The following SYCP2L variants were observed in gnomAD, a reference collection of about 807,000 sequenced individuals.
SYCP2L encodes the protein synaptonemal complex protein 2-like.
SYCP2L carries 98 observed loss-of-function variants against 125.8 expected under a neutral mutation model. That is an observed-to-expected ratio of 0.78 (90% CI 0.66 to 0.92). The LOEUF (loss-of-function observed/expected upper bound fraction) is 0.92. Ranked by LOEUF, SYCP2L falls within the 40% of genes least tolerant of loss-of-function variation. The pLI, the probability that SYCP2L is intolerant of heterozygous loss-of-function variation, is 0.00. For synonymous variants in SYCP2L, 317 were observed against 325.4 expected (o/e 0.97, Z 0.28); for missense variants, 842 against 936.4 (o/e 0.90, Z 1.32).
Position 10,942,719 on chromosome 6 carries a change from C to T in SYCP2L, c.1927C>T (p.His643Tyr). 1 of 1,610,708 alleles carries T rather than the reference C, an allele frequency of 6.2e-7. No homozygotes were observed. Among genetic ancestry groups the T allele is most frequent in the Non-Finnish European group, 8.5e-7 (1 of 1,178,820 alleles). ...ESLTESTSLK[H>Y]KLRNLEDKDI... is the part of the protein sequence containing the mutation. ...ACTAACAGAAAGTACTAGCTTGAAA[C>T]ATAAGCTGAGAAACTTGGAAGACAA... The change falls in exon 23 of 30, where the codon CAT (histidine) becomes TAT (tyrosine). Residue 643 changes from histidine to tyrosine, a missense_variant. Coordinates refer to ENST00000283141, the MANE Select transcript of SYCP2L (RefSeq NM_001040274.3).
intron 18 of SYCP2L, among the ~76,000 whole-genome samples, chr6:10,928,850 AT>A (rs1309327725): frequency 1.1e-4 from 16 of 149,802 alleles, no homozygotes; most frequent in Non-Finnish European, 3.0e-5. Context: ...CCATCTGTCA[AT>A]TTTTTGACCA....
intron 15 of SYCP2L, among the ~76,000 whole-genome samples, chr6:10,925,555 G>C (rs1430368053): frequency 2.6e-5 from 4 of 152,192 alleles, no homozygotes; most frequent in Non-Finnish European, 4.4e-5. Flanking sequence ...AAAAAATACT[G>C]TGGTAATGGC....
chr6:10,910,469 T>A lies in SYCP2L; in HGVS notation c.872+269T>A, dbSNP rs112974350. On this transcript the variant is annotated intron_variant, in intron 11 of 29. Coordinates refer to ENST00000283141, the MANE Select transcript of SYCP2L (RefSeq NM_001040274.3). ...TAAAATAATACATTCTTTAAAGAGT[T>A]CATAGACTTTATGAAGAACAATTTC... 5.9e-3 allele frequency among the ~76,000 whole-genome samples: 896 copies of A among 152,332 alleles called. 9 individuals are homozygous for A. Among genetic ancestry groups the A allele is most frequent in the African/African-American group, 0.02 (836 of 41,566 alleles).
chr6:10,896,641 G>A (rs965470352), intron 4 of SYCP2L, among the ~76,000 whole-genome samples: 6 of 152,198 alleles, frequency 3.9e-5, no homozygotes, highest in Admixed American at 6.5e-5. Context: ...TCTAGTATAA[G>A]TATTTGTCTG....
At chr6:10,956,029 C>T (rs1447292676) in intron 24 of SYCP2L, 107 bp from the exon 25 acceptor site, 4 of 859,196 alleles carry the variant, frequency 4.7e-6, no homozygotes, top group Non-Finnish European at 7.3e-6. Flanking sequence ...TTCCATGGTT[C>T]GCATCTGTGC....
In SYCP2L at chr6:10,905,142, C is replaced by CAAAA. The variant is rs34659978; in HGVS notation, c.642-857_642-854dup. Among the ~76,000 whole-genome samples the CAAAA allele has an allele frequency of 3.3e-3, 183 of 54,650 alleles. 11 individuals are homozygous for CAAAA. Among genetic ancestry groups the CAAAA allele is most frequent in the African/African-American group, 0.01 (142 of 13,828 alleles). The allele number at this position is 54,650 out of a possible 152,430, so 35.9% of individuals were successfully genotyped here. On this transcript the variant is annotated intron_variant, in intron 8 of 29. Coordinates refer to ENST00000283141, the MANE Select transcript of SYCP2L (RefSeq NM_001040274.3). ...TGGGTGACAGAGCCAGACTTGGTCT[C>CAAAA]AAAAAAAAAAAAAAAAAAAAAAAAG...
At chr6:10,937,209 T>G (rs377456266) in intron 21 of SYCP2L, among the ~76,000 whole-genome samples, 24 of 152,270 alleles carry the variant, frequency 1.6e-4, no homozygotes, top group African/African-American at 5.5e-4. Context: ...AAAATACATC[T>G]TAACAAATTT....
chr6:10,889,847 T>C (rs1261457305), intron 1 of SYCP2L, among the ~76,000 whole-genome samples: 3 of 152,030 alleles, frequency 2.0e-5, no homozygotes, highest in Non-Finnish European at 4.4e-5. Context: ...CTCCAACTCC[T>C]GACCTCAGGT....
At chr6:10,913,434 C>T (rs1173209435) in intron 14 of SYCP2L, among the ~76,000 whole-genome samples, 1 of 152,132 alleles carries the variant, frequency 6.6e-6, no homozygotes, top group Admixed American at 6.5e-5. Context: ...GGATCAAGGG[C>T]TTTGCAGATC....
intron 28 of SYCP2L, chr6:10,963,462 TGAAAA>T (rs1340511740): frequency 1.0e-5 from 3 of 296,126 alleles, no homozygotes; most frequent in South Asian, 3.8e-5. Flanking sequence ...GTTAAAGAAA[TGAAAA>T]GAATATCCCT....
chr6:10,971,504 T>G (rs1411379862), intron 29 of SYCP2L, among the ~76,000 whole-genome samples: 3 of 151,428 alleles, frequency 2.0e-5, no homozygotes, highest in African/African-American at 7.3e-5. Context: ...AGTTACTTTG[T>G]GAAACAAACA....
chr6:10,964,974 A>T (rs1781655431), intron 29 of SYCP2L, among the ~76,000 whole-genome samples: 1 of 152,074 alleles, frequency 6.6e-6, no homozygotes, highest in Non-Finnish European at 1.5e-5. Flanking sequence ...AGGATGGTAG[A>T]CTCTCAACGA....
intron 21 of SYCP2L, among the ~76,000 whole-genome samples, chr6:10,935,914 C>G (rs1374745573): frequency 6.6e-6 from 1 of 152,154 alleles, no homozygotes; most frequent in Non-Finnish European, 1.5e-5. Flanking sequence ...TTTATAAAAT[C>G]AGGTAGCAGA....
At position 10,910,865 on chromosome 6, in the gene SYCP2L, A is replaced by C. The variant is rs780296023; in HGVS notation, c.914A>C (p.His305Pro). ...TGTATTGCTGCTTTTGCTGATGAGC[A>C]TGAGGTATGTTCATCCCTCTTGGAG... Reference protein sequence around the residue: ...FPCIAAFADEHEMRKPADEKL... With the variant: ...FPCIAAFADEPEMRKPADEKL... Residue 305 changes from histidine to proline, a missense_variant, in exon 12 of 30, where the codon CAT (histidine) becomes CCT (proline). Transcript: ENST00000283141. The C allele has an allele frequency of 2.5e-6, 4 of 1,614,042 alleles. No individual in the cohort carries two copies. Among genetic ancestry groups the C allele is most frequent in the East Asian group, 2.2e-5 (1 of 44,880 alleles).
At chr6:10,926,633 CAAAG>C (rs145099126) in intron 16 of SYCP2L, among the ~76,000 whole-genome samples, 223 of 152,000 alleles carry the variant, frequency 1.5e-3, no homozygotes, top group African/African-American at 5.1e-3. Flanking sequence ...CTGGAAATGA[CAAAG>C]AAGAAATGAT....
chr6:10,889,380 T>C (rs755048814), intron 1 of SYCP2L, among the ~76,000 whole-genome samples: 2 of 152,254 alleles, frequency 1.3e-5, no homozygotes, highest in African/African-American at 4.8e-5. Context: ...AGGGTAATTA[T>C]GCATATCCAT....
chr6:10,902,545 C>T, intron 6 of SYCP2L, 132 bp from the exon 7 acceptor site: 2 of 701,220 alleles, frequency 2.9e-6, no homozygotes, highest in Admixed American at 2.8e-5. Flanking sequence ...TTGTAAGAGG[C>T]ACAGCCTGCA....
At chr6:10,891,855 A>G (rs534851981) in intron 2 of SYCP2L, among the ~76,000 whole-genome samples, 1 of 152,212 alleles carries the variant, frequency 6.6e-6, no homozygotes, top group Non-Finnish European at 1.5e-5. Context: ...AGTCTAAACT[A>G]TCTTGTGCCC....
rs750389177 is a variant in SYCP2L, at chr6:10,924,685, A to G, written c.1218+44A>G. 7.0e-6 allele frequency: 10 copies of G among 1,429,546 alleles called. No homozygotes were observed. In the South Asian group the frequency reaches 8.1e-5, roughly 12 times the overall value. The allele number at this position is 1,429,546 out of a possible 1,614,324, so 88.6% of individuals were successfully genotyped here. A position where few individuals can be genotyped will look rare whatever the true frequency, so the allele number is the denominator to read the frequency against. On this transcript the variant is annotated intron_variant, in intron 15 of 29. Transcript: ENST00000283141. ...TTGGATTATTTAAAAATGTTTTAGTATGTTTCATGTCTATTAAATGTCCTT... is the reference window on the plus strand; with the variant it reads ...TTGGATTATTTAAAAATGTTTTAGTGTGTTTCATGTCTATTAAATGTCCTT...
Sources: gnomAD v4.1 joint callset for allele counts (sites outside exome capture counted in the v4.1 genomes callset) on GRCh38, gnomAD v4.1.1 for gene constraint, MANE v1.5 for transcripts, NCBI Gene and HGNC (gene_info 2026-07-23, HGNC 2026-07-21) for gene names.